Variants in GRIK4 observed in about 807,000 individuals in gnomAD.
The protein encoded by GRIK4 is glutamate receptor ionotropic, kainate 4.
In GRIK4, 40 loss-of-function variants were observed where a neutral mutation model predicts 104.9. That is an observed-to-expected ratio of 0.38 (90% CI 0.30 to 0.50). The LOEUF (loss-of-function observed/expected upper bound fraction) is 0.50. Ranked by LOEUF, GRIK4 falls within the 20% of genes least tolerant of loss-of-function variation. The pLI, the probability that GRIK4 is intolerant of heterozygous loss-of-function variation, is 0.93. For missense variants in GRIK4, 1,047 were observed against 1,308.1 expected (o/e 0.80, Z 3.08); for synonymous variants, 485 against 524.9 (o/e 0.92, Z 1.04).
intron 13 of GRIK4, among the ~76,000 whole-genome samples, chr11:120,909,846 A>G (rs1261895760): frequency 6.6e-6 from 1 of 152,176 alleles, no homozygotes; most frequent in Non-Finnish European, 1.5e-5. Context: ...CACATTTGTT[A>G]TCACCTGCTT....
At chr11:120,612,201 C>G (rs955103969) in intron 1 of GRIK4, among the ~76,000 whole-genome samples, 1 of 152,170 alleles carries the variant, frequency 6.6e-6, no homozygotes, top group African/African-American at 2.4e-5. Context: ...TGGGACAACT[C>G]GTCCGCCCGT....
At chr11:120,680,196 G>C (rs1421426060) in intron 3 of GRIK4, among the ~76,000 whole-genome samples, 1 of 152,158 alleles carries the variant, frequency 6.6e-6, no homozygotes, top group Non-Finnish European at 1.5e-5. Flanking sequence ...TCCTGCCTCA[G>C]CCTCCCAAGT....
chr11:120,580,122 G>A (rs1009946581), intron 1 of GRIK4, among the ~76,000 whole-genome samples: 2 of 152,076 alleles, frequency 1.3e-5, no homozygotes, highest in Admixed American at 6.5e-5. Flanking sequence ...TCATTTACCC[G>A]TTGAAGGACG....
At chr11:120,820,480 C>T (rs1053057681) in intron 6 of GRIK4, among the ~76,000 whole-genome samples, 1 of 152,194 alleles carries the variant, frequency 6.6e-6, no homozygotes, top group African/African-American at 2.4e-5. Flanking sequence ...TTTTCTATGA[C>T]TCTCAGTCAA....
intron 3 of GRIK4, among the ~76,000 whole-genome samples, chr11:120,724,484 G>T (rs1950992802): frequency 6.6e-6 from 1 of 152,180 alleles, no homozygotes; most frequent in Non-Finnish European, 1.5e-5. Context: ...TTTGTTAGGT[G>T]AACTTTGTGT....
At chr11:120,932,792 T>G (rs570813034) in intron 13 of GRIK4, among the ~76,000 whole-genome samples, 46 of 152,286 alleles carry the variant, frequency 3.0e-4, no homozygotes, top group Admixed American at 2.5e-3. Context: ...ATGTGAAGCC[T>G]GACTTGTAAA....
At chr11:120,831,353 G>A (rs1953423494) in intron 6 of GRIK4, among the ~76,000 whole-genome samples, 1 of 152,220 alleles carries the variant, frequency 6.6e-6, no homozygotes, top group African/African-American at 2.4e-5. Context: ...TTCACACGTG[G>A]CCTCTTGTAA....
intron 3 of GRIK4, among the ~76,000 whole-genome samples, chr11:120,784,643 A>G (rs566993942): frequency 6.6e-6 from 1 of 152,134 alleles, no homozygotes; most frequent in African/African-American, 2.4e-5. Context: ...GGGATGTAAC[A>G]TGATGGAGAT....
At chr11:120,612,201 C>T (rs955103969) in intron 1 of GRIK4, among the ~76,000 whole-genome samples, 4 of 152,170 alleles carry the variant, frequency 2.6e-5, no homozygotes, top group Non-Finnish European at 4.4e-5. Context: ...TGGGACAACT[C>T]GTCCGCCCGT....
intron 1 of GRIK4, among the ~76,000 whole-genome samples, chr11:120,558,608 A>C (rs562482409): frequency 9.8e-5 from 15 of 152,312 alleles, no homozygotes; most frequent in East Asian, 9.6e-4. Context: ...CCAAACCAAA[A>C]CAAAACAAAA....
At chr11:120,662,554 G>A (rs997475468) in intron 3 of GRIK4, among the ~76,000 whole-genome samples, 3 of 152,156 alleles carry the variant, frequency 2.0e-5, no homozygotes, top group African/African-American at 7.2e-5. Context: ...GGGATGGGAA[G>A]AGAAGTGGGT....
chr11:120,627,474 G>T (rs1039700695), intron 1 of GRIK4, among the ~76,000 whole-genome samples: 2 of 152,172 alleles, frequency 1.3e-5, no homozygotes, highest in South Asian at 4.1e-4. Context: ...TGGCAGGTGG[G>T]GTTGTGCTAG....
intron 1 of GRIK4, among the ~76,000 whole-genome samples, chr11:120,540,720 C>T (rs1423967873): frequency 1.3e-5 from 2 of 152,126 alleles, no homozygotes; most frequent in Non-Finnish European, 2.9e-5. Context: ...TGGGAAGCTT[C>T]CTGAGTTATA....
intron 1 of GRIK4, among the ~76,000 whole-genome samples, chr11:120,596,800 C>G (rs1948807303): frequency 1.3e-5 from 2 of 152,032 alleles, no homozygotes; most frequent in Admixed American, 1.3e-4. Context: ...TATTGGCTCA[C>G]TGCAACCTCC....
At position 120,802,799 on chromosome 11, in the gene GRIK4, G is replaced by A. The variant is rs1307484479; in HGVS notation, c.189G>A (p.Lys63=). ...CTCCTGAGAGGCTGGGCAAGGCCAA[G>A]GTCGAAGTGGACATCTTTGAGCTTC... The part of the protein sequence containing the change: ...NRAPERLGKA[K]VEVDIFELLR... Residue 63 remains lysine, a synonymous_variant, in exon 4 of 21, where the codon AAG becomes AAA. Coordinates refer to ENST00000527524, the MANE Select transcript of GRIK4 (RefSeq NM_014619.5). 2 of 1,614,078 alleles carry A rather than the reference G, an allele frequency of 1.2e-6. No homozygotes were observed. Among genetic ancestry groups the A allele is most frequent in the African/African-American group, 1.3e-5 (1 of 74,928 alleles).
At chr11:120,898,474 C>T in intron 11 of GRIK4, 58 bp from the exon 12 acceptor site, 1 of 975,990 alleles carries the variant, frequency 1.0e-6, no homozygotes, top group African/African-American at 1.6e-5. Flanking sequence ...AGCCTCTTGG[C>T]TCCTTCCAGC....
intron 11 of GRIK4, among the ~76,000 whole-genome samples, chr11:120,893,643 G>C (rs1018953097): frequency 6.6e-5 from 10 of 152,312 alleles, no homozygotes; most frequent in African/African-American, 2.2e-4. Context: ...TCATGTGCTA[G>C]AGCTGGCTTG....
Position 120,589,742 on chromosome 11 carries a change from A to G in GRIK4, c.-158-63943A>G, listed in dbSNP as rs551245467. Among the ~76,000 whole-genome samples, 5 of 152,234 alleles carry G rather than the reference A, an allele frequency of 3.3e-5. 1 individual carries two copies. The East Asian group carries it at 5.8e-4, about 18-fold the overall frequency. On this transcript the variant is annotated intron_variant, in intron 1 of 20. Coordinates refer to ENST00000527524, the MANE Select transcript of GRIK4 (RefSeq NM_014619.5). ...CTGCCCAGCATCTCCTATCATCACA[A>G]TTCCCGGCCTCAACAGGAGACAGGC... is the stretch of plus-strand genomic sequence containing the variant.
At chr11:120,924,476 C>T (rs1943297126) in intron 13 of GRIK4, among the ~76,000 whole-genome samples, 1 of 152,112 alleles carries the variant, frequency 6.6e-6, no homozygotes. Context: ...TCGTAAGTGA[C>T]AGCTTAATGA....
Sources: allele counts gnomAD v4.1 joint callset (sites outside exome capture counted in the v4.1 genomes callset), GRCh38; gene constraint gnomAD v4.1.1; transcripts MANE v1.5; gene names NCBI Gene and HGNC (gene_info 2026-07-23, HGNC 2026-07-21).